Variants in MTTP observed in about 807,000 individuals in gnomAD.
The protein encoded by MTTP is microsomal triglyceride transfer protein large subunit.
Under a neutral mutation model 90.6 loss-of-function variants are expected in MTTP, and 49 were observed. That is an observed-to-expected ratio of 0.54 (90% CI 0.43 to 0.69). The LOEUF is 0.69. MTTP is among the 30% of genes least tolerant of loss of function. MTTP has a pLI of 0.00. For synonymous variants in MTTP, 347 were observed against 384.2 expected (o/e 0.90, Z 1.13); for missense variants, 945 against 1,067.5 (o/e 0.89, Z 1.60).
chr4:99,566,102 A>C (rs1340302596), intron 1 of MTTP, among the ~76,000 whole-genome samples: 1 of 151,672 alleles, frequency 6.6e-6, no homozygotes, highest in East Asian at 1.9e-4. Flanking sequence ...ACCCTGGCTA[A>C]AACAGTGAAA....
intron 2 of MTTP, among the ~76,000 whole-genome samples, chr4:99,582,399 G>A (rs1350755367): frequency 2.0e-5 from 3 of 152,118 alleles, no homozygotes; most frequent in Non-Finnish European, 2.9e-5. Context: ...TGGGAGAGAA[G>A]GGTCAATAAT....
chr4:99,611,067 T>A (rs1725937115), intron 12 of MTTP, 76 bp from the exon 13 acceptor site: 8 of 1,480,736 alleles, frequency 5.4e-6, no homozygotes, highest in Non-Finnish European at 7.4e-6. Context: ...CACTGAGGAT[T>A]TTTTTTTTCC....
chr4:99,595,170 GGGGGAAGCATAT>G (rs774917111), intron 7 of MTTP, among the ~76,000 whole-genome samples: 11 of 152,208 alleles, frequency 7.2e-5, no homozygotes, highest in Non-Finnish European at 1.5e-4. Flanking sequence ...AATGAAGTTA[GGGGGAAGCATAT>G]GGTGTCAAGA....
chr4:99,569,757 T>A (rs1429585076), intron 1 of MTTP, among the ~76,000 whole-genome samples: 1 of 151,984 alleles, frequency 6.6e-6, no homozygotes, highest in Non-Finnish European at 1.5e-5. Flanking sequence ...AAACAAGAAA[T>A]CTCAAACCAT....
chr4:99,582,854 A>C (rs1302968929), intron 2 of MTTP, among the ~76,000 whole-genome samples: 2 of 152,122 alleles, frequency 1.3e-5, no homozygotes, highest in East Asian at 3.8e-4. Flanking sequence ...GGGTGTCTCT[A>C]ATTGCTCTTG....
chr4:99,611,848 T>C (rs1415348881), intron 14 of MTTP, among the ~76,000 whole-genome samples: 1 of 152,208 alleles, frequency 6.6e-6, no homozygotes, highest in African/African-American at 2.4e-5. Context: ...ATATTTTCCT[T>C]TTCTGGTTGT....
rs578243344 is a variant in MTTP at position 99,579,822 on chromosome 4, G to A, written c.62-2083G>A. ...GGAGGGTGAGGTGGGTGGATTGCTT[G>A]AGCTCAGGAGTTCAGGACCAGCCTG... On this transcript the variant is annotated intron_variant, in intron 1 of 17. Coordinates refer to ENST00000265517, the MANE Select transcript of MTTP (RefSeq NM_001386140.1). 2.4e-4 allele frequency among the ~76,000 whole-genome samples: 36 copies of A among 152,018 alleles called. 1 individual carries two copies. The South Asian group carries it at 3.9e-3, about 17-fold the overall frequency.
At chr4:99,620,925 G>A (rs1726213679) in intron 16 of MTTP, 136 bp from the exon 17 acceptor site, 1 of 805,644 alleles carries the variant, frequency 1.2e-6, no homozygotes, top group Non-Finnish European at 2.0e-6. Flanking sequence ...GCACATCCAG[G>A]TCACCTCTGA....
At chr4:99,584,552 C>G (rs2110213430) in intron 3 of MTTP, among the ~76,000 whole-genome samples, 1 of 150,642 alleles carries the variant, frequency 6.6e-6, no homozygotes, top group Non-Finnish European at 1.5e-5. Context: ...TGTGTTTTCA[C>G]CTCGCCTACA....
At chr4:99,564,408 G>A in intron 1 of MTTP, 21 of 621,208 alleles carry the variant, frequency 3.4e-5, no homozygotes, top group South Asian at 9.0e-5. Context: ...TAACTCAAGT[G>A]GAAAATTAAA....
chr4:99,589,843 T>TA, intron 4 of MTTP, 93 bp downstream of exon 4: 1 of 888,252 alleles, frequency 1.1e-6, no homozygotes, highest in Admixed American at 1.9e-5. Context: ...ACTACTAAGG[T>TA]AATGCTCAGA....
intron 10 of MTTP, among the ~76,000 whole-genome samples, chr4:99,606,290 A>G (rs549429172): frequency 2.0e-5 from 3 of 152,330 alleles, no homozygotes; most frequent in African/African-American, 7.2e-5. Context: ...ATTAAGTGAA[A>G]ACAAACACTT....
intron 6 of MTTP, among the ~76,000 whole-genome samples, chr4:99,593,117 A>C (rs1578242219): frequency 6.6e-6 from 1 of 152,274 alleles, no homozygotes; most frequent in African/African-American, 2.4e-5. Flanking sequence ...GACTGTATTT[A>C]TTGTGCTTCC....
chr4:99,610,081 A>G (rs920033319), intron 12 of MTTP, among the ~76,000 whole-genome samples: 6 of 152,102 alleles, frequency 3.9e-5, no homozygotes, highest in African/African-American at 1.4e-4. Flanking sequence ...GGGGAGGAAC[A>G]CTAAAGGCTC....
rs2110230190 is a variant in MTTP, at chr4:99,608,871, A to G, written c.1663A>G (p.Met555Val). 2.5e-6 allele frequency: 4 copies of G among 1,614,078 alleles called. No individual in the cohort carries two copies. Among genetic ancestry groups the G allele is most frequent in the East Asian group, 2.2e-5 (1 of 44,884 alleles). ...AIILNNNPSY[M>V]DVKNILLSIG... Reference sequence around the variant, plus strand: ...CATTTTAAATAACAATCCATCCTACATGGACGTCAAGAACATCCTGCTGTC... The same window carrying G: ...CATTTTAAATAACAATCCATCCTACGTGGACGTCAAGAACATCCTGCTGTC... The change falls in exon 12 of 18, where the codon ATG becomes GTG. Residue 555 changes from methionine (M) to valine (V), a missense_variant. Transcript: ENST00000265517.
At chr4:99,581,234 C>T (rs1298248152) in intron 1 of MTTP, among the ~76,000 whole-genome samples, 1 of 152,172 alleles carries the variant, frequency 6.6e-6, no homozygotes, top group African/African-American at 2.4e-5. Context: ...GCTCACAGTA[C>T]AGATTTGTAT....
chr4:99,581,829 T>C, intron 1 of MTTP, 76 bp from the exon 2 acceptor site: 1 of 1,452,182 alleles, frequency 6.9e-7, no homozygotes, highest in Non-Finnish European at 9.7e-7. Context: ...CCCACTGTGG[T>C]AGAGAGATGC....
intron 8 of MTTP, among the ~76,000 whole-genome samples, chr4:99,598,879 T>C (rs1321948357): frequency 6.6e-6 from 1 of 152,038 alleles, no homozygotes; most frequent in African/African-American, 2.4e-5. Context: ...GTCAGGCTGG[T>C]CTCAAACTCC....
chr4:99,614,601 G>A (rs1428905448), intron 15 of MTTP, among the ~76,000 whole-genome samples: 1 of 152,186 alleles, frequency 6.6e-6, no homozygotes, highest in Non-Finnish European at 1.5e-5. Context: ...CAGAATCCAA[G>A]CTGCCTTCCT....
Sources: allele counts gnomAD v4.1 joint callset (sites outside exome capture counted in the v4.1 genomes callset), GRCh38; gene constraint gnomAD v4.1.1; transcripts MANE v1.5; gene names NCBI Gene and HGNC (gene_info 2026-07-23, HGNC 2026-07-21).